The following LIG3 variants were observed in gnomAD, a reference collection of about 807,000 sequenced individuals.
LIG3 encodes DNA ligase 3, also known as ligase II, DNA, ATP-dependent.
A neutral mutation model predicts 110.9 loss-of-function variants in LIG3; 58 were observed. The observed-to-expected ratio is 0.52, with a 90% CI of 0.42 to 0.65. The LOEUF (loss-of-function observed/expected upper bound fraction) is 0.65, where lower values mean the gene tolerates loss of function less well. Among genes scored for constraint, LIG3 ranks in the 30% least tolerant of loss-of-function variants. The pLI is 0.00. For missense variants in LIG3, 1,094 were observed against 1,273.8 expected (o/e 0.86, Z 2.15); for synonymous variants, 422 against 472.8 (o/e 0.89, Z 1.39).
At position 34,991,712 on chromosome 17, in the gene LIG3, C is replaced by T; in HGVS notation, c.1083C>T (p.Ser361=). The T allele has an allele frequency of 6.2e-7, 1 of 1,613,924 alleles. No individual in the cohort carries two copies. The highest frequency in any genetic ancestry group is 1.1e-5 in the South Asian group (1 of 91,072). The change falls in exon 6 of 20, where the codon AGC becomes AGT. Residue 361 remains serine (S), a synonymous_variant. Coordinates refer to ENST00000378526, the MANE Select transcript of LIG3 (RefSeq NM_013975.4). ...CAATCAGAGTCTTCTTTGAGCAGAGCAAGTCTTTCCCCCCAGCTGCCAAGA... is the reference window on the plus strand; with the variant it reads ...CAATCAGAGTCTTCTTTGAGCAGAGTAAGTCTTTCCCCCCAGCTGCCAAGA... ...SETIRVFFEQ[S]KSFPPAAKSL...
chr17:35,000,608 C>CTTTTT (rs57663136), intron 16 of LIG3, among the ~76,000 whole-genome samples: 28 of 80,410 alleles, frequency 3.5e-4, no homozygotes, highest in Non-Finnish European at 4.3e-4. Flanking sequence ...TTGGGAGATA[C>CTTTTT]TTTTTTTTTT....
chr17:34,991,184 T>A, intron 5 of LIG3, 70 bp downstream of exon 5: 1 of 1,435,532 alleles, frequency 7.0e-7, no homozygotes, highest in Non-Finnish European at 9.5e-7. Flanking sequence ...ACCTGCAGCC[T>A]CTTTTTTTTT....
chr17:35,000,003 C>T, intron 16 of LIG3, 147 bp downstream of exon 16: 2 of 622,248 alleles, frequency 3.2e-6, no homozygotes, highest in Non-Finnish European at 5.8e-6. Flanking sequence ...ACAGGGACAA[C>T]CAGACAACTC....
chr17:34,983,169 C>G lies in LIG3; in HGVS notation c.164C>G (p.Pro55Arg), dbSNP rs761808558. 1 of 1,614,198 alleles carries G rather than the reference C, an allele frequency of 6.2e-7. No individual in the cohort carries two copies. The highest frequency in any genetic ancestry group is 2.2e-5 in the East Asian group (1 of 44,884). The change falls in exon 2 of 20, where the codon CCT (proline) becomes CGT (arginine). Residue 55 changes from proline (P) to arginine (R), a missense_variant. By Grantham distance (103) the Pro-to-Arg change is moderately radical. Coordinates refer to ENST00000378526, the MANE Select transcript of LIG3 (RefSeq NM_013975.4). ...CATCCCCTCTTCCTGAGAAGAAAGC[C>G]TGTTCTATCATTCCAGGGAAGCCAT... ...HGHPLFLRRK[P>R]VLSFQGSHLR...
intron 7 of LIG3, 140 bp from the exon 8 acceptor site, chr17:34,992,384 T>C: frequency 2.0e-6 from 2 of 988,690 alleles, no homozygotes; most frequent in Middle Eastern, 2.4e-4. Flanking sequence ...TTCTCTCCTC[T>C]TGTGAAAGTC....
intron 1 of LIG3, chr17:34,981,437 A>G (rs1434449100): frequency 6.6e-6 from 1 of 152,350 alleles, no homozygotes; most frequent in Non-Finnish European, 1.5e-5. Flanking sequence ...TCCTCCAAAA[A>G]ACCGTGCATT....
chr17:35,005,338 G>T lies in LIG3; in HGVS notation c.*832G>T. On this transcript the variant is annotated 3_prime_UTR_variant, in exon 20 of 20. Coordinates refer to ENST00000378526, the MANE Select transcript of LIG3 (RefSeq NM_013975.4). Reference sequence around the variant, plus strand: ...ACCATATCCCATTCTTAGTGCTCGAGTGTTCCAACCTGAAGTTGAAGAAGC... The same window carrying T: ...ACCATATCCCATTCTTAGTGCTCGATTGTTCCAACCTGAAGTTGAAGAAGC... 1 of 553,426 alleles carries T rather than the reference G, an allele frequency of 1.8e-6. No individual in the cohort carries two copies. Among genetic ancestry groups the T allele is most frequent in the Non-Finnish European group, 3.7e-6 (1 of 272,540 alleles). 34.3% of individuals were successfully genotyped at this position (553,426 alleles called of 1,614,324 possible). A position where few individuals can be genotyped will look rare whatever the true frequency, so the allele number is the denominator to read the frequency against.
chr17:35,003,932 A>T, intron 19 of LIG3: 1 of 290,628 alleles, frequency 3.4e-6, no homozygotes, highest in East Asian at 8.5e-5. Context: ...GCTTGGTCTC[A>T]GGGGACATCA....
intron 8 of LIG3, among the ~76,000 whole-genome samples, chr17:34,993,004 A>T (rs1420559898): frequency 6.6e-6 from 1 of 152,158 alleles, no homozygotes; most frequent in Non-Finnish European, 1.5e-5. Flanking sequence ...TGCCTGAGGC[A>T]TCCCCCTAGA....
Position 34,992,653 on chromosome 17 carries a change from C to T in LIG3, c.1416C>T (p.Ser472=), listed in dbSNP as rs138848128. 27 of 1,611,406 alleles carry T rather than the reference C, an allele frequency of 1.7e-5. No individual in the cohort carries two copies. Among genetic ancestry groups the T allele is most frequent in the Middle Eastern group, 3.3e-4 (2 of 6,028 alleles). Residue 472 remains serine, a synonymous_variant, in exon 8 of 20, where the codon AGC becomes AGT. Coordinates refer to ENST00000378526, the MANE Select transcript of LIG3 (RefSeq NM_013975.4). ...AGCCGGGCCAGAGACGAGCTCTGAG[C>T]GTCCAGGCCTCGCTGATGACACCTG... ...EKEPGQRRAL[S]VQASLMTPVQ...
intron 9 of LIG3, among the ~76,000 whole-genome samples, chr17:34,995,095 C>A (rs1229877102): frequency 1.3e-5 from 2 of 152,176 alleles, no homozygotes; most frequent in Non-Finnish European, 2.9e-5. Flanking sequence ...AGCTTGTGAG[C>A]AGATGGAATT....
rs200276346 is a variant in LIG3 at position 35,001,902 on chromosome 17, G to A, written c.2479-7G>A. 4.5e-5 allele frequency: 73 copies of A among 1,605,054 alleles called. No individual in the cohort carries two copies. Among genetic ancestry groups the A allele is most frequent in the African/African-American group, 1.7e-4 (13 of 74,308 alleles). On this transcript the variant is annotated splice_polypyrimidine_tract_variant and splice_region_variant and intron_variant, in intron 17 of 19. Coordinates refer to ENST00000378526, the MANE Select transcript of LIG3 (RefSeq NM_013975.4). ...AAACCCTCTGACATTGTCCCTCCCC[G>A]CCTCAGGAACTGTACCAGTTGTCCA... is the stretch of plus-strand genomic sequence containing the variant.
At position 35,008,326 on chromosome 17, in the gene LIG3, G is replaced by A. The variant is rs1056797536; in HGVS notation, c.*3820G>A. The A allele has an allele frequency of 6.6e-6, 1 of 152,222 alleles. No individual in the cohort carries two copies. Among genetic ancestry groups the A allele is most frequent in the Non-Finnish European group, 1.5e-5 (1 of 68,064 alleles). 9.4% of individuals were successfully genotyped at this position (152,222 alleles called of 1,614,324 possible). ...TACATTTGTGGTCTTGAGCAAGTTA[G>A]TTAGTTACAACAACACTGAGCATCT... On this transcript the variant is annotated 3_prime_UTR_variant, in exon 20 of 20. Transcript: ENST00000378526.
intron 3 of LIG3, among the ~76,000 whole-genome samples, chr17:34,988,948 T>C (rs1411087651): frequency 2.0e-5 from 3 of 152,230 alleles, no homozygotes; most frequent in Admixed American, 2.0e-4. Flanking sequence ...ACTTGATTTC[T>C]TACCCCTTTC....
intron 1 of LIG3, among the ~76,000 whole-genome samples, chr17:34,982,138 A>G (rs1466251446): frequency 6.6e-6 from 1 of 152,228 alleles, no homozygotes; most frequent in Non-Finnish European, 1.5e-5. Flanking sequence ...AACAGAGGTA[A>G]GAAACCCATC....
rs1039519880 is a variant in LIG3 at position 34,991,833 on chromosome 17, T to G, written c.1204T>G (p.Ser402Ala). 2 of 1,614,042 alleles carry G rather than the reference T, an allele frequency of 1.2e-6. No homozygotes were observed. Among genetic ancestry groups the G allele is most frequent in the Non-Finnish European group, 1.7e-6 (2 of 1,179,976 alleles). Residue 402 changes from serine (S) to alanine (A), a missense_variant, in exon 6 of 20, where the codon TCC becomes GCC. Coordinates refer to ENST00000378526, the MANE Select transcript of LIG3 (RefSeq NM_013975.4). ...GCAACAGGCCCTACAGGACATTGCC[T>G]CCAGGTGGGGGAGCTGCCTCCGTCA... ...EQQQALQDIA[S>A]RCTANDLKCI... is the part of the protein sequence containing the mutation.
Position 35,005,236 on chromosome 17 carries a change from T to C in LIG3, c.*730T>C. 2.1e-6 allele frequency: 1 copy of C among 474,516 alleles called. No individual in the cohort carries two copies. The highest frequency in any genetic ancestry group is 4.3e-6 in the Non-Finnish European group (1 of 234,968). The allele number at this position is 474,516 out of a possible 1,614,324, so 29.4% of individuals were successfully genotyped here. A position where few individuals can be genotyped will look rare whatever the true frequency, so the allele number is the denominator to read the frequency against. ...CATCCCCAAAACCTGGAAACAAGAC[T>C]GTTCTTTAAGAATAAAAATCCACAT... On this transcript the variant is annotated 3_prime_UTR_variant, in exon 20 of 20. Coordinates refer to ENST00000378526, the MANE Select transcript of LIG3 (RefSeq NM_013975.4).
intron 14 of LIG3, 198 bp downstream of exon 14, chr17:34,998,925 A>AT: frequency 1.7e-6 from 1 of 574,456 alleles, no homozygotes; most frequent in South Asian, 2.7e-5. Flanking sequence ...AGAATAGAGT[A>AT]CCCTATGCTA....
At chr17:35,004,018 C>G (rs1458237094) in intron 19 of LIG3, 2 of 492,140 alleles carry the variant, frequency 4.1e-6, no homozygotes, top group Non-Finnish European at 3.7e-6. Flanking sequence ...CACATGTACT[C>G]TTCCCATCTC....
Sources: gnomAD v4.1 joint callset for allele counts (sites outside exome capture counted in the v4.1 genomes callset) on GRCh38, gnomAD v4.1.1 for gene constraint, MANE v1.5 for transcripts, NCBI Gene and HGNC (gene_info 2026-07-23, HGNC 2026-07-21) for gene names.